Variants in KCNH5 observed in about 807,000 individuals in gnomAD.
KCNH5 encodes the protein potassium voltage-gated channel subfamily H member 5, also known as voltage-gated delayed rectifier potassium channel KCNH5.
Under a neutral mutation model 96.1 loss-of-function variants are expected in KCNH5, and 46 were observed. The ratio of observed to expected loss-of-function variants is 0.48; its 90% confidence interval spans 0.38 to 0.61. KCNH5 has a LOEUF of 0.61. KCNH5 is among the 20% of genes least tolerant of loss of function. KCNH5 has a pLI of 0.00. For synonymous variants in KCNH5, 439 were observed against 449.8 expected, an observed-to-expected ratio of 0.98 and a Z score of 0.30; for missense variants, 907 against 1,225.8, an observed-to-expected ratio of 0.74 and a Z score of 3.88.
chr14:62,798,962 A>G (rs1165606415), intron 9 of KCNH5, among the ~76,000 whole-genome samples: 1 of 152,196 alleles, frequency 6.6e-6, no homozygotes, highest in Non-Finnish European at 1.5e-5. Context: ...TGTTTCTCCT[A>G]TCAGACTAAT....
chr14:62,993,699 CTT>C (rs1890855678), intron 4 of KCNH5, among the ~76,000 whole-genome samples: 1 of 151,998 alleles, frequency 6.6e-6, no homozygotes, highest in Admixed American at 6.6e-5. Flanking sequence ...ACTGTATAAA[CTT>C]TGAAAAAGTT....
chr14:62,833,786 TC>T (rs1887409552), intron 8 of KCNH5, among the ~76,000 whole-genome samples: 1 of 152,012 alleles, frequency 6.6e-6, no homozygotes, highest in Non-Finnish European at 1.5e-5. Flanking sequence ...TTTCCTTCTT[TC>T]CCCACAGATC....
chr14:62,862,494 A>G (rs1030033490), intron 7 of KCNH5, among the ~76,000 whole-genome samples: 4 of 152,150 alleles, frequency 2.6e-5, no homozygotes, highest in African/African-American at 9.7e-5. Flanking sequence ...CGGTATGCAA[A>G]TCCCTTCGTG....
intron 7 of KCNH5, among the ~76,000 whole-genome samples, chr14:62,890,621 C>T (rs1211493949): frequency 4.0e-5 from 6 of 149,782 alleles, no homozygotes; most frequent in Non-Finnish European, 8.9e-5. Flanking sequence ...ATGGCGTGAA[C>T]CCGGGAGGCG....
chr14:62,748,499 C>T (rs1233097488), intron 10 of KCNH5, among the ~76,000 whole-genome samples: 4 of 152,088 alleles, frequency 2.6e-5, no homozygotes, highest in Non-Finnish European at 5.9e-5. Flanking sequence ...AGTCATGGCC[C>T]CATTTTCCCA....
chr14:62,726,939 T>G (rs916371993), intron 10 of KCNH5, among the ~76,000 whole-genome samples: 7 of 152,220 alleles, frequency 4.6e-5, no homozygotes, highest in Admixed American at 1.3e-4. Flanking sequence ...ACCACAACTA[T>G]AGACAACAGT....
chr14:62,839,914 A>G (rs575571468), intron 8 of KCNH5, among the ~76,000 whole-genome samples: 5 of 152,058 alleles, frequency 3.3e-5, no homozygotes, highest in African/African-American at 9.7e-5. Flanking sequence ...CTTGACTCTC[A>G]TCTTCACAAC....
At chr14:62,944,409 C>T (rs1889846722) in intron 7 of KCNH5, among the ~76,000 whole-genome samples, 1 of 152,064 alleles carries the variant, frequency 6.6e-6, no homozygotes. Flanking sequence ...GACAGCCACA[C>T]AGATTGACTA....
intron 10 of KCNH5, among the ~76,000 whole-genome samples, chr14:62,761,765 C>G (rs1259747791): frequency 1.3e-5 from 2 of 151,926 alleles, no homozygotes; most frequent in African/African-American, 4.8e-5. Context: ...TAGGAAGAGC[C>G]AAAATGGTAG....
intron 10 of KCNH5, among the ~76,000 whole-genome samples, chr14:62,721,639 G>A (rs924305435): frequency 1.8e-4 from 27 of 151,918 alleles, no homozygotes; most frequent in African/African-American, 5.6e-4. Flanking sequence ...TTAATACAAT[G>A]GATTTTAATT....
chr14:63,034,837 T>C (rs1350332365), intron 1 of KCNH5, among the ~76,000 whole-genome samples: 1 of 152,204 alleles, frequency 6.6e-6, no homozygotes, highest in Non-Finnish European at 1.5e-5. Context: ...AACTTTGCTA[T>C]TAAAAAAGAT....
At chr14:62,982,190 G>A (rs541229700) in intron 5 of KCNH5, among the ~76,000 whole-genome samples, 7 of 152,154 alleles carry the variant, frequency 4.6e-5, no homozygotes, top group Non-Finnish European at 7.4e-5. Flanking sequence ...TTAGATGGGC[G>A]TGGTGGTGCG....
At chr14:63,006,247 T>C in intron 3 of KCNH5, 119 bp downstream of exon 3, 1 of 490,732 alleles carries the variant, frequency 2.0e-6, no homozygotes, top group Non-Finnish European at 3.6e-6. Context: ...CCTCTGCCCC[T>C]GCCAAGAAAA....
intron 9 of KCNH5, among the ~76,000 whole-genome samples, chr14:62,799,720 T>TACAC (rs1458423324): frequency 4.4e-5 from 5 of 114,846 alleles, no homozygotes; most frequent in African/African-American, 1.6e-4. Flanking sequence ...TATATATATA[T>TACAC]ATATATACAC....
chr14:62,752,422 C>T (rs1279350076), intron 10 of KCNH5, among the ~76,000 whole-genome samples: 2 of 151,948 alleles, frequency 1.3e-5, no homozygotes, highest in Non-Finnish European at 2.9e-5. Context: ...AGATTGCAGG[C>T]TTTGGTTATT....
At position 62,989,710 on chromosome 14, in the gene KCNH5, C is replaced by T. The variant is rs1423291619; in HGVS notation, c.434-2523G>A. On this transcript the variant is annotated intron_variant, in intron 4 of 10. Transcript: ENST00000322893. Reference sequence around the variant, plus strand: ...CCACTCTTGCTAAACTCTTGTTTATCCCTCCATTCTTAGCACTTGAAACAA... The same window carrying T: ...CCACTCTTGCTAAACTCTTGTTTATTCCTCCATTCTTAGCACTTGAAACAA... 3.9e-5 allele frequency among the ~76,000 whole-genome samples: 6 copies of T among 152,028 alleles called. No individual in the cohort carries two copies. The East Asian group carries it at 1.2e-3, about 29-fold the overall frequency.
chr14:63,018,725 C>A (rs940810269), intron 1 of KCNH5, among the ~76,000 whole-genome samples: 7 of 152,054 alleles, frequency 4.6e-5, no homozygotes, highest in African/African-American at 1.7e-4. Context: ...AGTAATTTAA[C>A]TGCCTGATTT....
At chr14:63,022,178 C>G (rs1488921806) in intron 1 of KCNH5, among the ~76,000 whole-genome samples, 1 of 152,144 alleles carries the variant, frequency 6.6e-6, no homozygotes, top group African/African-American at 2.4e-5. Flanking sequence ...ATGGGGCCAC[C>G]ATCCATACAA....
chr14:62,775,760 C>CT (rs533143288), intron 10 of KCNH5, among the ~76,000 whole-genome samples: 130 of 152,288 alleles, frequency 8.5e-4, no homozygotes, highest in African/African-American at 3.0e-3. Flanking sequence ...TTCCAGTCCT[C>CT]TTTTTTCAAC....
Sources: gnomAD v4.1 joint callset for allele counts (sites outside exome capture counted in the v4.1 genomes callset) on GRCh38, gnomAD v4.1.1 for gene constraint, MANE v1.5 for transcripts, NCBI Gene and HGNC (gene_info 2026-07-23, HGNC 2026-07-21) for gene names.